The following ECT2 variants were observed in gnomAD, a reference collection of about 807,000 sequenced individuals.
ECT2 encodes the protein epithelial cell transforming 2.
In ECT2, 61 loss-of-function variants were observed where a neutral mutation model predicts 116.9. That is an observed-to-expected ratio of 0.52 (90% CI 0.42 to 0.65). ECT2 has a LOEUF of 0.65. Ranked by LOEUF, ECT2 falls within the 30% of genes least tolerant of loss-of-function variation. ECT2 has a pLI of 0.00. For synonymous variants in ECT2, 358 were observed against 346.4 expected (o/e 1.03, Z -0.37); for missense variants, 937 against 1,078.7 (o/e 0.87, Z 1.84).
Position 172,761,625 on chromosome 3 carries a change from G to A in ECT2, c.700G>A (p.Gly234Ser), listed in dbSNP as rs1278799295. Residue 234 changes from glycine (G) to serine (S), a missense_variant, in exon 8 of 25, where the codon GGT becomes AGT. Gly to Ser is a moderately conservative substitution (Grantham distance 56). Transcript: ENST00000392692. ...ATATTTTTAGGTTGCTGTGAGTCTA[G>A]GTACTCCAATTATGAAGCCAGAATG... ...GEKFRVAVSL[G>S]TPIMKPEWIY... 2 of 1,610,376 alleles carry A rather than the reference G, an allele frequency of 1.2e-6. No homozygotes were observed. Among genetic ancestry groups the A allele is most frequent in the African/African-American group, 1.3e-5 (1 of 74,898 alleles).
intron 13 of ECT2, among the ~76,000 whole-genome samples, chr3:172,772,027 A>G (rs1223037705): frequency 2.0e-5 from 3 of 151,938 alleles, no homozygotes; most frequent in Non-Finnish European, 4.4e-5. Context: ...ATAGGGTCTC[A>G]CTCTGTTGCC....
chr3:172,784,742 C>T lies in ECT2; in HGVS notation c.1764C>T (p.Ser588=). 1.2e-6 allele frequency: 2 copies of T among 1,613,538 alleles called. No individual in the cohort carries two copies. The highest frequency in any genetic ancestry group is 1.7e-6 in the Non-Finnish European group (2 of 1,179,550). ...CAAAACCAGAATGTGGACGGCAGAG[C>T]CTTGTTGAACTTCTTATCCGACCAG... ...NQAKPECGRQ[S]LVELLIRPVQ... is the part of the protein sequence containing the mutation. Residue 588 remains serine (S), a synonymous_variant, in exon 17 of 25, where the codon AGC becomes AGT. Transcript: ENST00000392692.
At chr3:172,768,267 C>T (rs190438080) in intron 12 of ECT2, among the ~76,000 whole-genome samples, 56 of 152,170 alleles carry the variant, frequency 3.7e-4, no homozygotes, top group Middle Eastern at 3.4e-3. Flanking sequence ...ATTTTTACAT[C>T]TCCCTTTCTG....
chr3:172,809,415 A>G (rs2109174812), intron 22 of ECT2, among the ~76,000 whole-genome samples: 1 of 152,212 alleles, frequency 6.6e-6, no homozygotes, highest in South Asian at 2.1e-4. Context: ...AATTCTTTCA[A>G]TCTATTGAAA....
chr3:172,785,465 G>T (rs1340236817), intron 17 of ECT2, among the ~76,000 whole-genome samples: 1 of 151,392 alleles, frequency 6.6e-6, no homozygotes, highest in African/African-American at 2.4e-5. Context: ...GTAAGCCCAG[G>T]AGTTGGAGAC....
At chr3:172,807,095 G>C (rs577875097) in intron 21 of ECT2, among the ~76,000 whole-genome samples, 1 of 152,180 alleles carries the variant, frequency 6.6e-6, no homozygotes, top group African/African-American at 2.4e-5. Context: ...CCAAAATCTG[G>C]GATGCTCAAG....
chr3:172,798,927 G>A (rs1338781906), intron 18 of ECT2, among the ~76,000 whole-genome samples: 2 of 152,140 alleles, frequency 1.3e-5, no homozygotes, highest in African/African-American at 2.4e-5. Flanking sequence ...CTTACAGTGA[G>A]TAAATTAAAA....
chr3:172,817,017 T>TA (rs1400067880), intron 24 of ECT2, among the ~76,000 whole-genome samples, 180 bp downstream of exon 24: 3 of 152,192 alleles, frequency 2.0e-5, no homozygotes, highest in Admixed American at 1.3e-4. Context: ...ATCAGTGAGA[T>TA]ATTTTCATTC....
chr3:172,769,092 G>A lies in ECT2; in HGVS notation c.1377G>A (p.Glu459=). ...CAGCAAGGTGGCAAGTTGCAAAAGA[G>A]CTTTATCAAACTGAAAGTAATTATG... is the stretch of plus-strand genomic sequence containing the variant. The part of the protein sequence containing the change: ...KQSARWQVAK[E]LYQTESNYVN... The change falls in exon 13 of 25, where the codon GAG becomes GAA. Residue 459 remains glutamate (E), a synonymous_variant. Transcript: ENST00000392692. 6.2e-7 allele frequency: 1 copy of A among 1,613,294 alleles called. No individual in the cohort carries two copies. Among genetic ancestry groups the A allele is most frequent in the East Asian group, 2.2e-5 (1 of 44,812 alleles).
chr3:172,807,763 A>G lies in ECT2; in HGVS notation c.2246-7A>G. The G allele has an allele frequency of 1.9e-6, 3 of 1,609,370 alleles. No individual in the cohort carries two copies. Among genetic ancestry groups the G allele is most frequent in the African/African-American group, 1.3e-5 (1 of 74,828 alleles). On this transcript the variant is annotated splice_region_variant and splice_polypyrimidine_tract_variant and intron_variant, in intron 21 of 24. Coordinates refer to ENST00000392692, the MANE Select transcript of ECT2 (RefSeq NM_001258315.2). ...ACTTAATGTTTATGGTTATTCTGGAACCCTAGATTGCCATAATGCTTTTGC... is the reference window on the plus strand; with the variant it reads ...ACTTAATGTTTATGGTTATTCTGGAGCCCTAGATTGCCATAATGCTTTTGC...
intron 18 of ECT2, among the ~76,000 whole-genome samples, chr3:172,793,551 C>T (rs1725066511): frequency 6.6e-6 from 1 of 151,888 alleles, no homozygotes; most frequent in Non-Finnish European, 1.5e-5. Flanking sequence ...GCAACCTCCA[C>T]CTCCCAGGTT....
chr3:172,780,844 T>C (rs1441540362), intron 14 of ECT2, among the ~76,000 whole-genome samples: 1 of 152,184 alleles, frequency 6.6e-6, no homozygotes, highest in African/African-American at 2.4e-5. Flanking sequence ...CATTTGTATA[T>C]TATTTTTGGT....
chr3:172,759,840 A>AT (rs869199124), intron 6 of ECT2, among the ~76,000 whole-genome samples: 33 of 152,194 alleles, frequency 2.2e-4, no homozygotes, highest in African/African-American at 7.2e-4. Flanking sequence ...AAAACTTGGT[A>AT]TTTTTTTAAA....
Position 172,762,534 on chromosome 3 carries a change from A to T in ECT2, c.877A>T (p.Thr293Ser), listed in dbSNP as rs1718522397. Residue 293 changes from threonine to serine, a missense_variant, in exon 9 of 25, where the codon ACT becomes TCT. Physicochemically the swap from Thr to Ser is moderately conservative, Grantham distance 58. Coordinates refer to ENST00000392692, the MANE Select transcript of ECT2 (RefSeq NM_001258315.2). The stretch of plus-strand genomic sequence containing the variant: ...AGAGAAAACCAATATGGAAGAAATG[A>T]CTGAAATGCAAGGTAAAATTTAGCA... Reference protein sequence around the residue: ...DEEKTNMEEMTEMQGGKYLPL... With the variant: ...DEEKTNMEEMSEMQGGKYLPL... 6.3e-7 allele frequency: 1 copy of T among 1,591,650 alleles called. No homozygotes were observed. The highest frequency in any genetic ancestry group is 1.4e-5 in the African/African-American group (1 of 73,118).
chr3:172,792,064 GA>G (rs1724773480), intron 18 of ECT2, among the ~76,000 whole-genome samples: 1 of 152,126 alleles, frequency 6.6e-6, no homozygotes, highest in South Asian at 2.1e-4. Context: ...CTAGTTGGTG[GA>G]GCACTCAGAA....
intron 6 of ECT2, among the ~76,000 whole-genome samples, 191 bp downstream of exon 6, chr3:172,759,260 C>G (rs769809131): frequency 1.3e-5 from 2 of 152,060 alleles, no homozygotes; most frequent in African/African-American, 4.8e-5. Flanking sequence ...AGTGTTTTGT[C>G]TAGGCTGGCT....
intron 13 of ECT2, among the ~76,000 whole-genome samples, chr3:172,772,871 T>C (rs1720909643): frequency 6.6e-6 from 1 of 152,240 alleles, no homozygotes; most frequent in Non-Finnish European, 1.5e-5. Context: ...AGACTATCCT[T>C]CTGCATTGAA....
rs150250540 is a variant in ECT2, at chr3:172,798,794, T to C, written c.1908-3822T>C. ...AATATAGTTATTTACATAAGTCTAA[T>C]AGAAATCTGCTCTCTCTTTATAGCA... On this transcript the variant is annotated intron_variant, in intron 18 of 24. Coordinates refer to ENST00000392692, the MANE Select transcript of ECT2 (RefSeq NM_001258315.2). Among the ~76,000 whole-genome samples the C allele has an allele frequency of 5.2e-4, 79 of 152,328 alleles. No individual in the cohort carries two copies. The East Asian group carries it at 6.4e-3, about 12-fold the overall frequency.
Position 172,806,763 on chromosome 3 carries a change from C to G in ECT2, c.2245+894C>G, listed in dbSNP as rs1406393692. Reference sequence around the variant, plus strand: ...CGCCAGGATTCTCCTGCCTCAGCCTCCTGAGTAGCTGGGATTACAGGCGTG... The same window carrying G: ...CGCCAGGATTCTCCTGCCTCAGCCTGCTGAGTAGCTGGGATTACAGGCGTG... On this transcript the variant is annotated intron_variant, in intron 21 of 24. Coordinates refer to ENST00000392692, the MANE Select transcript of ECT2 (RefSeq NM_001258315.2). Among the ~76,000 whole-genome samples the G allele has an allele frequency of 3.3e-5, 5 of 150,310 alleles. No homozygotes were observed. In the East Asian group the frequency reaches 7.9e-4, roughly 24 times the overall value.
Sources: allele counts gnomAD v4.1 joint callset (sites outside exome capture counted in the v4.1 genomes callset), GRCh38; gene constraint gnomAD v4.1.1; transcripts MANE v1.5; gene names NCBI Gene and HGNC (gene_info 2026-07-23, HGNC 2026-07-21).